The following PRSS57 variants were observed in gnomAD, a reference collection of about 807,000 sequenced individuals.
PRSS57 encodes neutrophil serine protease 4.
In PRSS57, 19 loss-of-function variants were observed where a neutral mutation model predicts 20.6. The observed-to-expected ratio is 0.92, with a 90% confidence interval of 0.64 to 1.35. The LOEUF (loss-of-function observed/expected upper bound fraction) is 1.35. Ranked by LOEUF, PRSS57 falls within the 40% of genes most tolerant of loss-of-function variation. PRSS57 has a pLI of 0.00. For missense variants in PRSS57, 440 were observed against 403.7 expected (o/e 1.09, Z -0.77); for synonymous variants, 203 against 176.6 (o/e 1.15, Z -1.19).
At position 691,950 on chromosome 19, in the gene PRSS57, C is replaced by T. The variant is rs762842327; in HGVS notation, c.286G>A (p.Glu96Lys). 3.0e-6 allele frequency: 4 copies of T among 1,332,194 alleles called. No individual in the cohort carries two copies. Among genetic ancestry groups the T allele is most frequent in the Non-Finnish European group, 3.9e-6 (4 of 1,031,736 alleles). The allele number at this position is 1,332,194 out of a possible 1,614,324, so 82.5% of individuals were successfully genotyped here. The change falls in exon 3 of 5, where the codon GAG becomes AAG. Residue 96 changes from glutamate (E) to lysine (K), a missense_variant. Transcript: ENST00000329267. Reference sequence around the variant, plus strand: ...ATGCCAAACACCTGCTGGGTGGGCTCCGCAGTACTCAGGACGTGGGCGCCC... The same window carrying T: ...ATGCCAAACACCTGCTGGGTGGGCTTCGCAGTACTCAGGACGTGGGCGCCC... Reference protein sequence around the residue: ...VLGAHVLSTAEPTQQVFGIDA... With the variant: ...VLGAHVLSTAKPTQQVFGIDA...
chr19:686,043 A>G (rs984984280), intron 4 of PRSS57, 121 bp from the exon 5 acceptor site: 1 of 900,688 alleles, frequency 1.1e-6, no homozygotes, highest in Non-Finnish European at 1.6e-6. Flanking sequence ...GAAAAAGTAA[A>G]TTCATTTCTC....
At position 686,889 on chromosome 19, in the gene PRSS57, A is replaced by G. The variant is rs748385095; in HGVS notation, c.642+36T>C. On this transcript the variant is annotated intron_variant, in intron 4 of 4. Coordinates refer to ENST00000329267, the MANE Select transcript of PRSS57 (RefSeq NM_001308209.2). ...CCTCTCTGTGGGCCTTGGTTTCCCC[A>G]CACAGTAAGTGGGTGGAGCAGGGAG... 3 of 1,590,698 alleles carry G rather than the reference A, an allele frequency of 1.9e-6. No individual in the cohort carries two copies. In the South Asian group the frequency reaches 3.4e-5, roughly 18 times the overall value.
intron 3 of PRSS57, among the ~76,000 whole-genome samples, chr19:689,259 G>C (rs2031572129): frequency 6.6e-6 from 1 of 150,978 alleles, no homozygotes; most frequent in South Asian, 2.1e-4. Context: ...GACGGGGCCG[G>C]AAGGGTGGTC....
rs149163441 is a variant in PRSS57 at position 691,951 on chromosome 19, C to T, written c.285G>A (p.Ala95=). ...TGCCAAACACCTGCTGGGTGGGCTC[C>T]GCAGTACTCAGGACGTGGGCGCCCA... ...VVLGAHVLST[A]EPTQQVFGID... The change falls in exon 3 of 5, where the codon GCG becomes GCA. Residue 95 remains alanine, a synonymous_variant. Coordinates refer to ENST00000329267, the MANE Select transcript of PRSS57 (RefSeq NM_001308209.2). The T allele has an allele frequency of 2.3e-5, 31 of 1,331,778 alleles. No individual in the cohort carries two copies. The highest frequency in any genetic ancestry group is 9.1e-5 in the Admixed American group (3 of 32,868). 82.5% of individuals were successfully genotyped at this position (1,331,778 alleles called of 1,614,324 possible). A position where few individuals can be genotyped will look rare whatever the true frequency, so the allele number is the denominator to read the frequency against.
At chr19:693,834 G>C (rs527457492) in intron 2 of PRSS57, among the ~76,000 whole-genome samples, 5 of 152,230 alleles carry the variant, frequency 3.3e-5, no homozygotes, top group African/African-American at 1.2e-4. Context: ...CCGCCTCCCG[G>C]GTTCACGCCA....
chr19:688,602 C>CT lies in PRSS57; in HGVS notation c.379-1415dup, dbSNP rs11451021. On this transcript the variant is annotated intron_variant, in intron 3 of 4. Coordinates refer to ENST00000329267, the MANE Select transcript of PRSS57 (RefSeq NM_001308209.2). ...CCACCCGGAGGACTCCACCCAGGGACTTTTTTTTTTTTTTCAGATGGAGTC... is the reference window on the plus strand; with the variant it reads ...CCACCCGGAGGACTCCACCCAGGGACTTTTTTTTTTTTTTTCAGATGGAGTC... Among the ~76,000 whole-genome samples the CT allele has an allele frequency of 1.2e-3, 128 of 110,146 alleles. 5 individuals are homozygous for CT. Among genetic ancestry groups the CT allele is most frequent in the African/African-American group, 2.0e-3 (52 of 26,152 alleles). The allele number at this position is 110,146 out of a possible 152,430, so 72.3% of individuals were successfully genotyped here. A position where few individuals can be genotyped will look rare whatever the true frequency, so the allele number is the denominator to read the frequency against.
At chr19:689,551 G>C (rs1352491340) in intron 3 of PRSS57, among the ~76,000 whole-genome samples, 6 of 152,050 alleles carry the variant, frequency 3.9e-5, no homozygotes, top group Admixed American at 3.9e-4. Flanking sequence ...AGGAGGATTT[G>C]TCCTGCAGGA....
At chr19:689,189 G>A (rs113581869) in intron 3 of PRSS57, among the ~76,000 whole-genome samples, 13,352 of 88,062 alleles carry the variant, frequency 0.15, 1,047 homozygotes, top group African/African-American at 0.22. Flanking sequence ...CGACGGGGCT[G>A]GAAGGGTGGT....
chr19:693,531 A>G (rs117978609), intron 2 of PRSS57, among the ~76,000 whole-genome samples: 1 of 152,224 alleles, frequency 6.6e-6, no homozygotes, highest in East Asian at 1.9e-4. Context: ...GGTTGGTGCA[A>G]AAGTAATTGC....
At chr19:691,165 T>C in intron 3 of PRSS57, 2 of 202,930 alleles carry the variant, frequency 9.9e-6, no homozygotes, top group East Asian at 1.0e-4. Flanking sequence ...CCAGCTGTGG[T>C]TACAACATAG....
intron 4 of PRSS57, among the ~76,000 whole-genome samples, chr19:686,188 C>G (rs975101796): frequency 1.3e-5 from 2 of 152,078 alleles, no homozygotes; most frequent in African/African-American, 4.8e-5. Context: ...TGTGAACATT[C>G]GAGTCTGCAG....
At chr19:686,598 T>A (rs751911309) in intron 4 of PRSS57, among the ~76,000 whole-genome samples, 4 of 152,154 alleles carry the variant, frequency 2.6e-5, no homozygotes, top group Non-Finnish European at 5.9e-5. Flanking sequence ...CCAGGGCCAG[T>A]GTCTCCCTTG....
chr19:691,014 TGCCAAG>T, intron 3 of PRSS57: 1 of 384,698 alleles, frequency 2.6e-6, no homozygotes, highest in Non-Finnish European at 4.9e-6. Flanking sequence ...TGGGCCACTT[TGCCAAG>T]GCCGCCTCTG....
intron 3 of PRSS57, among the ~76,000 whole-genome samples, chr19:688,121 G>C (rs1159974216): frequency 6.6e-6 from 1 of 152,240 alleles, no homozygotes; most frequent in Non-Finnish European, 1.5e-5. Context: ...CACAGCTGAT[G>C]CTCAGTTAAT....
At chr19:689,739 T>G (rs1364679593) in intron 3 of PRSS57, among the ~76,000 whole-genome samples, 1 of 151,988 alleles carries the variant, frequency 6.6e-6, no homozygotes, top group Non-Finnish European at 1.5e-5. Flanking sequence ...GGCAACATGG[T>G]GAAACCCCGT....
At chr19:688,511 G>C (rs55653488) in intron 3 of PRSS57, among the ~76,000 whole-genome samples, 1 of 144,668 alleles carries the variant, frequency 6.9e-6, no homozygotes, top group Non-Finnish European at 1.5e-5. Context: ...GGAAGGGGTC[G>C]TCCCTCGAGC....
chr19:693,331 G>A (rs950552897), intron 2 of PRSS57, among the ~76,000 whole-genome samples: 9 of 145,418 alleles, frequency 6.2e-5, no homozygotes, highest in African/African-American at 2.3e-4. Flanking sequence ...AGGCTCAAGC[G>A]ATCCTCCCAC....
intron 3 of PRSS57, 46 bp downstream of exon 3, chr19:691,812 C>A (rs777574671): frequency 7.6e-7 from 1 of 1,316,022 alleles, no homozygotes; most frequent in South Asian, 2.9e-5. Flanking sequence ...GAGCGAGAGA[C>A]TGTCTCAAAA....
chr19:694,985 TGAGTCA>T lies in PRSS57; in HGVS notation c.80-24_80-19del. 1 of 1,511,966 alleles carries T rather than the reference TGAGTCA, an allele frequency of 6.6e-7. No individual in the cohort carries two copies. Among genetic ancestry groups the T allele is most frequent in the Non-Finnish European group, 8.9e-7 (1 of 1,129,106 alleles). 93.7% of individuals were successfully genotyped at this position (1,511,966 alleles called of 1,614,324 possible). On this transcript the variant is annotated intron_variant, in intron 1 of 4. Transcript: ENST00000329267. ...CCAGGAGCCTGCTGGAGGGACGGCC[TGAGTCA>T]GGGACGAGGCGGGAGGAACGGATGA...
Sources: allele counts gnomAD v4.1 joint callset (sites outside exome capture counted in the v4.1 genomes callset), GRCh38; gene constraint gnomAD v4.1.1; transcripts MANE v1.5; gene names NCBI Gene and HGNC (gene_info 2026-07-23, HGNC 2026-07-21).